The following MDGA2 variants were observed in gnomAD, a reference collection of about 807,000 sequenced individuals.
MDGA2 encodes MAM domain-containing glycosylphosphatidylinositol anchor protein 2.
In MDGA2, 40 loss-of-function variants were observed where a neutral mutation model predicts 117.8. The ratio of observed to expected loss-of-function variants is 0.34; its 90% CI spans 0.26 to 0.44. The LOEUF is 0.44. Among genes scored for constraint, MDGA2 ranks in the 20% least tolerant of loss-of-function variants. The pLI, the probability that MDGA2 is intolerant of heterozygous loss-of-function variation, is 1.00. For missense variants in MDGA2, 1,123 were observed against 1,250.6 expected (o/e 0.90, Z 1.54); for synonymous variants, 452 against 439.0 (o/e 1.03, Z -0.37).
intron 1 of MDGA2, among the ~76,000 whole-genome samples, chr14:47,393,854 C>T (rs1487084479): frequency 1.3e-5 from 2 of 152,112 alleles, no homozygotes; most frequent in Non-Finnish European, 2.9e-5. Flanking sequence ...ACTGGCTTAC[C>T]AGGAACCTAA....
chr14:47,661,583 T>C (rs1269087377), intron 1 of MDGA2, among the ~76,000 whole-genome samples: 1 of 152,152 alleles, frequency 6.6e-6, no homozygotes, highest in Non-Finnish European at 1.5e-5. Context: ...AAGACCTGAT[T>C]AATAGAACGG....
At chr14:47,224,300 T>TAGATATAGATAC (rs1198560030) in intron 2 of MDGA2, among the ~76,000 whole-genome samples, 138 of 151,818 alleles carry the variant, frequency 9.1e-4, no homozygotes, top group Middle Eastern at 3.4e-3. Context: ...GATATAGATA[T>TAGATATAGATAC]AGATATAGAT....
intron 3 of MDGA2, among the ~76,000 whole-genome samples, chr14:47,213,140 A>C (rs376340801): frequency 1.3e-5 from 2 of 152,150 alleles, no homozygotes; most frequent in African/African-American, 2.4e-5. Context: ...GCCAAAAAAA[A>C]CTGAAATCTT....
At chr14:46,929,701 A>G (rs1884493107) in intron 9 of MDGA2, among the ~76,000 whole-genome samples, 1 of 131,772 alleles carries the variant, frequency 7.6e-6, no homozygotes, top group African/African-American at 2.9e-5. Flanking sequence ...CCCAGGCCGG[A>G]GTGCAATGGT....
chr14:47,505,363 C>A (rs1301466908), intron 1 of MDGA2, among the ~76,000 whole-genome samples: 1 of 152,028 alleles, frequency 6.6e-6, no homozygotes, highest in African/African-American at 2.4e-5. Flanking sequence ...TTTGAATGTT[C>A]TCACCGCAAA....
At chr14:47,323,395 GCAGGAA>G (rs926838169) in intron 1 of MDGA2, among the ~76,000 whole-genome samples, 2 of 151,762 alleles carry the variant, frequency 1.3e-5, no homozygotes, top group Non-Finnish European at 2.9e-5. Flanking sequence ...GGAGGCCGAG[GCAGGAA>G]GATCACTAGA....
chr14:46,940,266 A>G (rs959696697), intron 9 of MDGA2, among the ~76,000 whole-genome samples: 11 of 152,236 alleles, frequency 7.2e-5, no homozygotes, highest in Non-Finnish European at 1.6e-4. Context: ...TAACTCAAGA[A>G]TAATAAATAT....
intron 8 of MDGA2, among the ~76,000 whole-genome samples, chr14:46,989,969 T>C (rs1454240343): frequency 6.6e-6 from 1 of 152,152 alleles, no homozygotes; most frequent in African/African-American, 2.4e-5. Context: ...TTTTTATGTA[T>C]ACAACAAAGT....
intron 1 of MDGA2, among the ~76,000 whole-genome samples, chr14:47,342,256 TTATATATATATA>T (rs10536485): frequency 1.5e-5 from 2 of 134,066 alleles, no homozygotes; most frequent in Admixed American, 7.2e-5. Flanking sequence ...CACAAAATGT[TTATATATATATA>T]TATATATATA....
chr14:47,528,325 C>T (rs1895016363), intron 1 of MDGA2, among the ~76,000 whole-genome samples: 1 of 152,184 alleles, frequency 6.6e-6, no homozygotes, highest in South Asian at 2.1e-4. Context: ...CAGAATAAAG[C>T]AGTACAAAAC....
intron 1 of MDGA2, among the ~76,000 whole-genome samples, chr14:47,494,361 G>C (rs752536123): frequency 5.3e-5 from 8 of 152,146 alleles, no homozygotes; most frequent in Non-Finnish European, 1.2e-4. Flanking sequence ...TAGTTTGGCT[G>C]CTATCCTACT....
Position 47,499,895 on chromosome 14 carries a change from T to C in MDGA2, c.280+174622A>G, listed in dbSNP as rs139819141. On this transcript the variant is annotated intron_variant, in intron 1 of 16. Coordinates refer to ENST00000399232, the MANE Select transcript of MDGA2 (RefSeq NM_001113498.3). Reference sequence around the variant, plus strand: ...CATTTTGTGTCCAGGCATTTATCTTTGTCCAGATAACCACAGGGATATATG... The same window carrying C: ...CATTTTGTGTCCAGGCATTTATCTTCGTCCAGATAACCACAGGGATATATG... Among the ~76,000 whole-genome samples, 641 of 152,272 alleles carry C rather than the reference T, an allele frequency of 4.2e-3. 5 individuals are homozygous for C. Among genetic ancestry groups the C allele is most frequent in the African/African-American group, 0.015 (610 of 41,566 alleles).
intron 7 of MDGA2, chr14:47,058,771 G>C: frequency 1.0e-6 from 1 of 985,412 alleles, no homozygotes; most frequent in Non-Finnish European, 1.2e-6. Flanking sequence ...ATCATCTTCA[G>C]TAACTCATTC....
chr14:47,575,186 A>T (rs555028647), intron 1 of MDGA2, among the ~76,000 whole-genome samples: 38 of 152,336 alleles, frequency 2.5e-4, no homozygotes, highest in Non-Finnish European at 4.4e-4. Context: ...CAAATGGACA[A>T]CTGTAGTAAA....
At chr14:46,886,583 C>T (rs531636473) in intron 10 of MDGA2, among the ~76,000 whole-genome samples, 15 of 152,110 alleles carry the variant, frequency 9.9e-5, no homozygotes, top group Admixed American at 7.2e-4. Flanking sequence ...GACTTCAACT[C>T]TACCAGGTGA....
chr14:47,240,698 T>C (rs1239031917), intron 2 of MDGA2, among the ~76,000 whole-genome samples: 1 of 151,862 alleles, frequency 6.6e-6, no homozygotes. Flanking sequence ...TCTTAGAATA[T>C]TGCACACACA....
intron 1 of MDGA2, among the ~76,000 whole-genome samples, chr14:47,647,369 T>A (rs1897554160): frequency 6.6e-6 from 1 of 152,064 alleles, no homozygotes; most frequent in African/African-American, 2.4e-5. Flanking sequence ...TGTAATGTCA[T>A]CCTTGGGATG....
chr14:47,148,890 G>C (rs987590196), intron 3 of MDGA2, among the ~76,000 whole-genome samples: 1 of 150,182 alleles, frequency 6.7e-6, no homozygotes, highest in African/African-American at 2.5e-5. Flanking sequence ...ATAGTTTCTT[G>C]GCTGTCCACT....
intron 2 of MDGA2, among the ~76,000 whole-genome samples, chr14:47,295,931 A>AAGATAGATAGAT (rs34675658): frequency 1.1e-3 from 146 of 132,538 alleles, no homozygotes; most frequent in African/African-American, 1.6e-3. Flanking sequence ...GATAGATGAT[A>AAGATAGATAGAT]AGATAGATAG....
Sources: gnomAD v4.1 joint callset for allele counts (sites outside exome capture counted in the v4.1 genomes callset) on GRCh38, gnomAD v4.1.1 for gene constraint, MANE v1.5 for transcripts, NCBI Gene and HGNC (gene_info 2026-07-23, HGNC 2026-07-21) for gene names.